Variants in HNRNPUL2 observed in about 807,000 individuals in gnomAD.
HNRNPUL2 encodes the protein heterogeneous nuclear ribonucleoprotein U like 2.
In HNRNPUL2, 27 loss-of-function variants were observed where a neutral mutation model predicts 102.2. The observed-to-expected ratio is 0.26, with a 90% CI of 0.19 to 0.36. HNRNPUL2 has a LOEUF of 0.36. Among genes scored for constraint, HNRNPUL2 ranks in the 10% least tolerant of loss-of-function variants. The pLI is 1.00. For missense variants in HNRNPUL2, 936 were observed against 981.1 expected (o/e 0.95, Z 0.61); for synonymous variants, 458 against 387.2 (o/e 1.18, Z -2.15).
chr11:62,723,540 C>G (rs1244394858), intron 4 of HNRNPUL2, 47 bp downstream of exon 4: 3 of 1,526,378 alleles, frequency 2.0e-6, no homozygotes. Context: ...GAACCGTAAG[C>G]ATCCAGTAAT....
chr11:62,721,238 G>A, intron 9 of HNRNPUL2, 57 bp downstream of exon 9: 2 of 1,475,802 alleles, frequency 1.4e-6, no homozygotes, highest in Non-Finnish European at 1.8e-6. Context: ...CCTTAATTCA[G>A]TCTCTCTTTA....
rs542079528 is a variant in HNRNPUL2 at position 62,714,303 on chromosome 11, T to C, written c.*996A>G. ...GGATTCACCTATATACATATCCCGCTGCAGTGAAAAGAATCCTGCTGTGTT... is the reference window on the plus strand; with the variant it reads ...GGATTCACCTATATACATATCCCGCCGCAGTGAAAAGAATCCTGCTGTGTT... On this transcript the variant is annotated 3_prime_UTR_variant, in exon 14 of 14. Transcript: ENST00000301785. 3 of 152,316 alleles carry C rather than the reference T, an allele frequency of 2.0e-5. No homozygotes were observed. The highest frequency in any genetic ancestry group is 6.8e-3 in the Middle Eastern group (2 of 296). The allele number at this position is 152,316 out of a possible 1,614,324, so 9.4% of individuals were successfully genotyped here.
chr11:62,723,036 G>T, intron 4 of HNRNPUL2, 133 bp from the exon 5 acceptor site: 1 of 674,680 alleles, frequency 1.5e-6, no homozygotes, highest in Non-Finnish European at 2.6e-6. Flanking sequence ...AACAATCACT[G>T]AACTTAAAGC....
At chr11:62,718,883 T>C (rs558504769) in intron 10 of HNRNPUL2, among the ~76,000 whole-genome samples, 106 of 151,798 alleles carry the variant, frequency 7.0e-4, no homozygotes, top group Admixed American at 1.8e-3. Flanking sequence ...TGGAGTGCAG[T>C]GGCACAATCC....
Position 62,720,248 on chromosome 11 carries a change from C to A in HNRNPUL2, c.1612-57G>T, listed in dbSNP as rs1466301469. 4 of 1,552,878 alleles carry A rather than the reference C, an allele frequency of 2.6e-6. No individual in the cohort carries two copies. In the East Asian group the frequency reaches 9.0e-5, roughly 35 times the overall value. On this transcript the variant is annotated intron_variant, in intron 9 of 13. Coordinates refer to ENST00000301785, the MANE Select transcript of HNRNPUL2 (RefSeq NM_001079559.3). ...AAGAAAATTATCACTCAGATTTAAC[C>A]AAAAGAATCAGTATCAGCTGGGCAC...
intron 10 of HNRNPUL2, among the ~76,000 whole-genome samples, chr11:62,719,337 G>A (rs991441058): frequency 1.3e-5 from 2 of 152,152 alleles, no homozygotes; most frequent in Non-Finnish European, 1.5e-5. Flanking sequence ...TGTAATCTCA[G>A]CTACTTGGGA....
At chr11:62,725,243 G>A (rs1340710240) in intron 1 of HNRNPUL2, among the ~76,000 whole-genome samples, 2 of 152,184 alleles carry the variant, frequency 1.3e-5, no homozygotes, top group East Asian at 3.8e-4. Flanking sequence ...TGTCGCCCAG[G>A]CTGGAGTGTA....
chr11:62,723,301 G>A (rs767137403), intron 4 of HNRNPUL2, among the ~76,000 whole-genome samples: 1 of 152,316 alleles, frequency 6.6e-6, no homozygotes, highest in East Asian at 1.9e-4. Flanking sequence ...AGACCAGCCC[G>A]ACCAACATGG....
intron 1 of HNRNPUL2, among the ~76,000 whole-genome samples, chr11:62,726,181 C>T (rs1392182007): frequency 6.6e-6 from 1 of 152,160 alleles, no homozygotes; most frequent in African/African-American, 2.4e-5. Flanking sequence ...CGGACTTTGA[C>T]GGACTTCGAT....
chr11:62,715,976 T>A, intron 11 of HNRNPUL2, 39 bp from the exon 12 acceptor site: 1 of 1,510,708 alleles, frequency 6.6e-7, no homozygotes, highest in Non-Finnish European at 9.0e-7. Context: ...ACAGCTGGCA[T>A]GGGGTCCTGG....
chr11:62,723,729 G>A lies in HNRNPUL2; in HGVS notation c.752-3C>T, dbSNP rs1021445411. 2 of 1,614,130 alleles carry A rather than the reference G, an allele frequency of 1.2e-6. No individual in the cohort carries two copies. Among genetic ancestry groups the A allele is most frequent in the Non-Finnish European group, 1.7e-6 (2 of 1,180,016 alleles). ...TTGAAAATGCAGATCCGAGGTATCT[G>A]TAAAGAAAGAAGCAATCAGTTTACT... On this transcript the variant is annotated splice_region_variant and splice_polypyrimidine_tract_variant and intron_variant, in intron 3 of 13. Transcript: ENST00000301785.
rs1055060988 is a variant in HNRNPUL2 at position 62,720,156 on chromosome 11, T to C, written c.1647A>G (p.Leu549=). 8 of 1,613,896 alleles carry C rather than the reference T, an allele frequency of 5.0e-6. No individual in the cohort carries two copies. The highest frequency in any genetic ancestry group is 2.2e-5 in the East Asian group (1 of 44,896). The part of the protein sequence containing the change: ...NVYNSGQRRK[L]LLFKTFSRKV... ...TCCGAGAGAAGGTCTTGAACAGCAATAGCTTCCGCCGTTGGCCAGAATTGT... is the reference window on the plus strand; with the variant it reads ...TCCGAGAGAAGGTCTTGAACAGCAACAGCTTCCGCCGTTGGCCAGAATTGT... The change falls in exon 10 of 14, where the codon CTA becomes CTG. Residue 549 remains leucine (L), a synonymous_variant. Coordinates refer to ENST00000301785, the MANE Select transcript of HNRNPUL2 (RefSeq NM_001079559.3).
In HNRNPUL2 at chr11:62,715,237, G is replaced by A. The variant is rs189228753; in HGVS notation, c.*62C>T. ...CCTGTTTTCCTTGGTTGTGTTTTGC[G>A]GGGGTGCCTGGCACCCCCAGAGATT... On this transcript the variant is annotated 3_prime_UTR_variant, in exon 14 of 14. Transcript: ENST00000301785. 153 of 1,314,140 alleles carry A rather than the reference G, an allele frequency of 1.2e-4. No individual in the cohort carries two copies. The African/African-American group carries it at 1.9e-3, about 17-fold the overall frequency. 81.4% of individuals were successfully genotyped at this position (1,314,140 alleles called of 1,614,324 possible). A position where few individuals can be genotyped will look rare whatever the true frequency, so the allele number is the denominator to read the frequency against.
Position 62,713,456 on chromosome 11 carries a change from C to T in HNRNPUL2, c.*1843G>A, listed in dbSNP as rs978907296. 6.6e-6 allele frequency: 1 copy of T among 152,254 alleles called. No homozygotes were observed. Among genetic ancestry groups the T allele is most frequent in the Non-Finnish European group, 1.5e-5 (1 of 68,046 alleles). 9.4% of individuals were successfully genotyped at this position (152,254 alleles called of 1,614,324 possible). On this transcript the variant is annotated 3_prime_UTR_variant, in exon 14 of 14. Coordinates refer to ENST00000301785, the MANE Select transcript of HNRNPUL2 (RefSeq NM_001079559.3). The stretch of plus-strand genomic sequence containing the variant: ...CAGAAAAATTCATGCAATCACTCCA[C>T]TGCCACACAGAAATCCATTTGAGGA...
rs781317099 is a variant in HNRNPUL2, at chr11:62,722,396, A to G, written c.1096-16T>C. On this transcript the variant is annotated splice_polypyrimidine_tract_variant and intron_variant, in intron 6 of 13. Coordinates refer to ENST00000301785, the MANE Select transcript of HNRNPUL2 (RefSeq NM_001079559.3). ...TCTCAAAATTCTACAATGACAAGGG[A>G]CAAGAGCACTTATTGGCTGACGAGG... The G allele has an allele frequency of 1.9e-6, 3 of 1,610,616 alleles. No homozygotes were observed. The highest frequency in any genetic ancestry group is 2.2e-5 in the South Asian group (2 of 90,802).
rs1466468077 is a variant in HNRNPUL2, at chr11:62,717,140, A to G, written c.1830T>C (p.Tyr610=). The G allele has an allele frequency of 7.4e-6, 12 of 1,614,138 alleles. No individual in the cohort carries two copies. Among genetic ancestry groups the G allele is most frequent in the Non-Finnish European group, 1.0e-5 (12 of 1,180,030 alleles). Residue 610 remains tyrosine, a synonymous_variant, in exon 11 of 14, where the codon TAT becomes TAC. Coordinates refer to ENST00000301785, the MANE Select transcript of HNRNPUL2 (RefSeq NM_001079559.3). ...EKCDYMDEVT[Y]GELEKEEAQP... Reference sequence around the variant, plus strand: ...GAGCTTCCTCCTTCTCCAGCTCCCCATATGTCACCTCATCCATATAGTCGC... The same window carrying G: ...GAGCTTCCTCCTTCTCCAGCTCCCCGTATGTCACCTCATCCATATAGTCGC...
intron 10 of HNRNPUL2, among the ~76,000 whole-genome samples, chr11:62,717,720 G>A (rs955863660): frequency 2.0e-5 from 3 of 152,184 alleles, no homozygotes; most frequent in Non-Finnish European, 4.4e-5. Context: ...GCCAGGCATG[G>A]TGGCAGGTGC....
In HNRNPUL2 at chr11:62,716,994, C is replaced by T; in HGVS notation, c.1976G>A (p.Gly659Asp). ...RNRQNRSRGQ[G>D]YVGGQRRGYD... ...GGCAGGTCCCCAAGACTCACCATAGCCTTGGCCCCGGCTTCGGTTCTGCCG... is the reference window on the plus strand; with the variant it reads ...GGCAGGTCCCCAAGACTCACCATAGTCTTGGCCCCGGCTTCGGTTCTGCCG... Residue 659 changes from glycine to aspartate, a missense_variant, in exon 11 of 14, where the codon GGC becomes GAC. Physicochemically the swap from Gly to Asp is moderately conservative, Grantham distance 94. Transcript: ENST00000301785. 6.2e-7 allele frequency: 1 copy of T among 1,612,672 alleles called. No homozygotes were observed. Among genetic ancestry groups the T allele is most frequent in the Non-Finnish European group, 8.5e-7 (1 of 1,179,900 alleles).
At chr11:62,723,452 C>T (rs1280571948) in intron 4 of HNRNPUL2, 135 bp downstream of exon 4, 1 of 907,002 alleles carries the variant, frequency 1.1e-6, no homozygotes, top group Admixed American at 2.8e-5. Context: ...GATGGTGCCA[C>T]TGGACTCCAG....
Sources: gnomAD v4.1 joint callset for allele counts (sites outside exome capture counted in the v4.1 genomes callset) on GRCh38, gnomAD v4.1.1 for gene constraint, MANE v1.5 for transcripts, NCBI Gene and HGNC (gene_info 2026-07-23, HGNC 2026-07-21) for gene names.